ZFHX4: variants seen among roughly 807,000 people sequenced by gnomAD.
The protein encoded by ZFHX4 is zinc finger homeobox 4.
ZFHX4 carries 56 observed loss-of-function variants against 267.6 expected under a neutral mutation model. The observed-to-expected ratio is 0.21, with a 90% CI of 0.17 to 0.26. ZFHX4 has a LOEUF of 0.26. Among genes scored for constraint, ZFHX4 ranks in the 10% least tolerant of loss-of-function variants. The pLI is 1.00. For synonymous variants in ZFHX4, 1,778 were observed against 1,665.6 expected (o/e 1.07, Z -1.64); for missense variants, 4,332 against 4,420.0 (o/e 0.98, Z 0.56).
chr8:76,794,873 T>TTGCGTGTG (rs765733398), intron 4 of ZFHX4, among the ~76,000 whole-genome samples: 1 of 143,098 alleles, frequency 7.0e-6, no homozygotes, highest in African/African-American at 2.5e-5. Context: ...TGGCCTGTCA[T>TTGCGTGTG]TGTGTGTGTG....
intron 3 of ZFHX4, among the ~76,000 whole-genome samples, chr8:76,767,190 A>G (rs1810074808): frequency 6.6e-6 from 1 of 152,168 alleles, no homozygotes; most frequent in East Asian, 1.9e-4. Flanking sequence ...GAAATGTGTT[A>G]ATTTTACAGA....
chr8:76,829,987 T>C (rs1003522022), intron 4 of ZFHX4, among the ~76,000 whole-genome samples: 1 of 152,182 alleles, frequency 6.6e-6, no homozygotes, highest in African/African-American at 2.4e-5. Flanking sequence ...CTACTTTCCT[T>C]TGAAATCCAT....
chr8:76,843,081 C>T (rs933574003), intron 6 of ZFHX4, among the ~76,000 whole-genome samples: 13 of 152,164 alleles, frequency 8.5e-5, no homozygotes, highest in African/African-American at 2.6e-4. Context: ...ATTTTTTAAG[C>T]GCCTTTCATT....
chr8:76,858,832 T>C (rs926971587), intron 10 of ZFHX4, among the ~76,000 whole-genome samples: 4 of 152,182 alleles, frequency 2.6e-5, no homozygotes, highest in African/African-American at 7.2e-5. Context: ...TTGCTACAAT[T>C]TGTTATCAAT....
At chr8:76,773,838 G>C (rs1318747527) in intron 3 of ZFHX4, among the ~76,000 whole-genome samples, 8 of 152,120 alleles carry the variant, frequency 5.3e-5, no homozygotes, top group Non-Finnish European at 1.0e-4. Context: ...TTGAGGACCA[G>C]AGTAAAATTG....
intron 4 of ZFHX4, among the ~76,000 whole-genome samples, chr8:76,824,188 C>T (rs1296976153): frequency 6.6e-6 from 1 of 152,148 alleles, no homozygotes; most frequent in Admixed American, 6.5e-5. Context: ...TTTGTGAAAG[C>T]TCTAAAGTAT....
At position 76,797,754 on chromosome 8, in the gene ZFHX4, T is replaced by C. The variant is rs1182787338; in HGVS notation, c.3325+19315T>C. ...AGAAAATGTCTAGTAATGATGCTGC[T>C]GGGAATTCAAGCTCAATACTGTGGT... On this transcript the variant is annotated intron_variant, in intron 4 of 10. Transcript: ENST00000651372. 2.0e-5 allele frequency among the ~76,000 whole-genome samples: 3 copies of C among 152,292 alleles called. No homozygotes were observed. In the East Asian group the frequency reaches 5.8e-4, roughly 29 times the overall value.
intron 4 of ZFHX4, among the ~76,000 whole-genome samples, chr8:76,830,223 T>C (rs1811899351): frequency 6.6e-6 from 1 of 152,202 alleles, no homozygotes; most frequent in African/African-American, 2.4e-5. Flanking sequence ...TGTTGATCAC[T>C]CCCACATTGT....
chr8:76,756,896 AG>A (rs553497975), intron 3 of ZFHX4, among the ~76,000 whole-genome samples: 1 of 152,204 alleles, frequency 6.6e-6, no homozygotes, highest in Non-Finnish European at 1.5e-5. Context: ...TTTTTAAAAA[AG>A]GTTATTGTGT....
At chr8:76,811,346 T>C (rs1811373148) in intron 4 of ZFHX4, among the ~76,000 whole-genome samples, 1 of 152,232 alleles carries the variant, frequency 6.6e-6, no homozygotes, top group African/African-American at 2.4e-5. Context: ...GAGCAGTTTC[T>C]TTTCATAACT....
At chr8:76,743,659 A>AT (rs1276232799) in intron 3 of ZFHX4, among the ~76,000 whole-genome samples, 1 of 152,178 alleles carries the variant, frequency 6.6e-6, no homozygotes, top group African/African-American at 2.4e-5. Context: ...AATGAGTGAT[A>AT]TTTTTTTAAA....
At position 76,850,956 on chromosome 8, in the gene ZFHX4, T is replaced by C. The variant is rs755146588; in HGVS notation, c.4035T>C (p.Asn1345=). Residue 1345 remains asparagine (N), a synonymous_variant, in exon 10 of 11, where the codon AAT becomes AAC. Transcript: ENST00000651372. ...CAAAGGCTAATGTGGAAGTAAAGAA[T>C]GAGGAGCAGAAACCGACTAAAGAAC... ...EDSKANVEVK[N]EEQKPTKEPL... is the part of the protein sequence containing the mutation. The C allele has an allele frequency of 3.7e-6, 6 of 1,613,432 alleles. No individual in the cohort carries two copies. The South Asian group carries it at 6.6e-5, about 18-fold the overall frequency.
chr8:76,720,911 G>A (rs1420418715), intron 3 of ZFHX4, among the ~76,000 whole-genome samples: 1 of 152,156 alleles, frequency 6.6e-6, no homozygotes, highest in Non-Finnish European at 1.5e-5. Context: ...AGTAGTAACA[G>A]TGATAACTCA....
intron 3 of ZFHX4, among the ~76,000 whole-genome samples, chr8:76,762,296 G>A (rs1023558063): frequency 6.6e-6 from 1 of 152,078 alleles, no homozygotes; most frequent in Non-Finnish European, 1.5e-5. Flanking sequence ...TCTCTATTAG[G>A]CATAAGAACT....
At chr8:76,748,179 A>T (rs1033651163) in intron 3 of ZFHX4, among the ~76,000 whole-genome samples, 2 of 152,062 alleles carry the variant, frequency 1.3e-5, no homozygotes, top group Non-Finnish European at 2.9e-5. Flanking sequence ...TTTCATATGG[A>T]TGACTCATAA....
At chr8:76,750,884 T>C (rs141954292) in intron 3 of ZFHX4, among the ~76,000 whole-genome samples, 92 of 152,242 alleles carry the variant, frequency 6.0e-4, no homozygotes, top group African/African-American at 2.0e-3. Context: ...CACCACAAAA[T>C]AATGCATAAA....
chr8:76,805,491 A>G (rs568950806), intron 4 of ZFHX4, among the ~76,000 whole-genome samples: 114 of 151,950 alleles, frequency 7.5e-4, no homozygotes, highest in African/African-American at 2.5e-3. Flanking sequence ...GAAACTAATG[A>G]TTTTCATAAT....
chr8:76,687,252 A>G (rs906998415), intron 1 of ZFHX4, among the ~76,000 whole-genome samples: 1 of 152,186 alleles, frequency 6.6e-6, no homozygotes, highest in African/African-American at 2.4e-5. Flanking sequence ...TGTGCTGACT[A>G]ATGTTCTGGG....
rs200798896 is a variant in ZFHX4, at chr8:76,727,288, TC to T, written c.3093+19241del. On this transcript the variant is annotated intron_variant, in intron 3 of 10. Coordinates refer to ENST00000651372, the MANE Select transcript of ZFHX4 (RefSeq NM_024721.5). ...TGGGGCCGCAGCCACATTTTTTTTTTCTTCCATCGTTTTCAACACTCATAAT... is the reference window on the plus strand; with the variant it reads ...TGGGGCCGCAGCCACATTTTTTTTTTTTCCATCGTTTTCAACACTCATAAT... Among the ~76,000 whole-genome samples the T allele has an allele frequency of 4.8e-3, 735 of 152,234 alleles. 3 individuals are homozygous for T. The highest frequency in any genetic ancestry group is 0.017 in the African/African-American group (703 of 41,548).
Sources: allele counts gnomAD v4.1 joint callset (sites outside exome capture counted in the v4.1 genomes callset), GRCh38; gene constraint gnomAD v4.1.1; transcripts MANE v1.5; gene names NCBI Gene and HGNC (gene_info 2026-07-23, HGNC 2026-07-21).